Variants in KMT2C observed in about 807,000 individuals in gnomAD.
KMT2C encodes the protein lysine methyltransferase 2C, also known as histone-lysine N-methyltransferase 2C.
In KMT2C, 88 loss-of-function variants were observed where a neutral mutation model predicts 507.9. That is an observed-to-expected ratio of 0.17 (90% CI 0.15 to 0.21). The LOEUF (loss-of-function observed/expected upper bound fraction) is 0.21, where lower values mean the gene tolerates loss of function less well. KMT2C is among the 10% of genes least tolerant of loss of function. The probability of loss-of-function intolerance (pLI) is 1.00; values close to 1 mark genes in which losing one functional copy is unlikely to be tolerated. For synonymous variants in KMT2C, 2,049 were observed against 2,080.8 expected (o/e 0.98, Z 0.42); for missense variants, 4,954 against 5,957.8 (o/e 0.83, Z 5.55).
intron 6 of KMT2C, among the ~76,000 whole-genome samples, chr7:152,284,039 C>T (rs2096260103): frequency 6.6e-6 from 1 of 152,040 alleles, no homozygotes; most frequent in Admixed American, 6.5e-5. Flanking sequence ...GTTTTGATTA[C>T]TTTGAAATTG....
intron 6 of KMT2C, among the ~76,000 whole-genome samples, chr7:152,278,774 C>T (rs1483892028): frequency 2.0e-5 from 3 of 152,412 alleles, no homozygotes; most frequent in East Asian, 3.9e-4. Flanking sequence ...TTTTATGTTA[C>T]AGTGTAAATT....
In KMT2C at chr7:152,356,301, A is replaced by AT. The variant is rs1189614630; in HGVS notation, c.250+2285dup. Among the ~76,000 whole-genome samples the AT allele has an allele frequency of 2.8e-4, 42 of 152,296 alleles. 1 individual carries two copies. The South Asian group carries it at 8.7e-3, about 32-fold the overall frequency. On this transcript the variant is annotated intron_variant, in intron 2 of 58. Coordinates refer to ENST00000262189, the MANE Select transcript of KMT2C (RefSeq NM_170606.3). ...ATCTTCAATAATCAAAGGGCCGGGC[A>AT]TAGTGGCTCACGCCTGTAATCCTAG...
chr7:152,238,259 G>A (rs1216400533), intron 15 of KMT2C, among the ~76,000 whole-genome samples: 2 of 152,310 alleles, frequency 1.3e-5, no homozygotes, highest in Non-Finnish European at 2.9e-5. Flanking sequence ...GACTGGCAGA[G>A]CCATCAACCA....
intron 1 of KMT2C, among the ~76,000 whole-genome samples, chr7:152,400,649 A>G (rs1197975896): frequency 6.6e-6 from 1 of 152,246 alleles, no homozygotes; most frequent in African/African-American, 2.4e-5. Flanking sequence ...TGTAAGGGCT[A>G]ATGAGGACTT....
Position 152,199,280 on chromosome 7 carries a change from G to A in KMT2C, c.4272C>T (p.His1424=), listed in dbSNP as rs200156200. The change falls in exon 27 of 59, where the codon CAC becomes CAT. Residue 1424 remains histidine, a splice_region_variant and synonymous_variant. Transcript: ENST00000262189. The part of the protein sequence containing the change: ...SSSAPTKSGT[H]GPADDPLADI... ...ATATCTGTGAATAATTCTACATACC[G>A]TGAGTTCCAGATTTTGTTGGAGCCG... The A allele has an allele frequency of 4.9e-4, 785 of 1,587,128 alleles. 1 individual carries two copies. Among genetic ancestry groups the A allele is most frequent in the Admixed American group, 9.7e-4 (53 of 54,460 alleles).
At chr7:152,374,860 G>T (rs2129243699) in intron 1 of KMT2C, among the ~76,000 whole-genome samples, 1 of 146,990 alleles carries the variant, frequency 6.8e-6, no homozygotes, top group African/African-American at 2.6e-5. Context: ...TCTAGCCTTA[G>T]TGACACAGGG....
At chr7:152,309,732 G>A (rs1293318414) in intron 6 of KMT2C, among the ~76,000 whole-genome samples, 1 of 151,634 alleles carries the variant, frequency 6.6e-6, no homozygotes, top group Non-Finnish European at 1.5e-5. Context: ...TGTTGGCCAG[G>A]CTAGTCTCAA....
intron 1 of KMT2C, among the ~76,000 whole-genome samples, chr7:152,426,827 A>C (rs942847383): frequency 6.6e-6 from 1 of 152,224 alleles, no homozygotes; most frequent in African/African-American, 2.4e-5. Flanking sequence ...CCCAAGGTCA[A>C]ACAGCTAATA....
Position 152,252,772 on chromosome 7 carries a change from T to G in KMT2C, c.1300-57A>C. On this transcript the variant is annotated intron_variant, in intron 9 of 58. Transcript: ENST00000262189. ...GTTTGTTATGCATTTGTAATTGTAG[T>G]TCTGATGTAAACCTTTAAAAAGTCA... 3.1e-6 allele frequency: 4 copies of G among 1,284,070 alleles called. No homozygotes were observed. In the East Asian group the frequency reaches 9.8e-5, roughly 32 times the overall value. 79.5% of individuals were successfully genotyped at this position (1,284,070 alleles called of 1,614,324 possible). A position where few individuals can be genotyped will look rare whatever the true frequency, so the allele number is the denominator to read the frequency against.
At chr7:152,346,934 T>C (rs567240709) in intron 2 of KMT2C, among the ~76,000 whole-genome samples, 6 of 152,146 alleles carry the variant, frequency 3.9e-5, no homozygotes, top group Non-Finnish European at 5.9e-5. Flanking sequence ...GAGACCATCC[T>C]GGCTAACACG....
chr7:152,254,896 C>T (rs1214166446), intron 9 of KMT2C, among the ~76,000 whole-genome samples: 2 of 151,726 alleles, frequency 1.3e-5, no homozygotes, highest in Non-Finnish European at 2.9e-5. Context: ...AGAATTCACA[C>T]ACACAAATAA....
rs1031883265 is a variant in KMT2C at position 152,135,151 on chromosome 7, C to G, written c.*1681G>C. The G allele has an allele frequency of 2.7e-5, 6 of 224,644 alleles. No homozygotes were observed. Among genetic ancestry groups the G allele is most frequent in the African/African-American group, 1.3e-4 (6 of 44,832 alleles). 13.9% of individuals were successfully genotyped at this position (224,644 alleles called of 1,614,324 possible). ...TATTCAGGAAACAAATTTCATACAGCTATTTATCAAGAGAAAAATATATAC... is the reference window on the plus strand; with the variant it reads ...TATTCAGGAAACAAATTTCATACAGGTATTTATCAAGAGAAAAATATATAC... On this transcript the variant is annotated 3_prime_UTR_variant, in exon 59 of 59. Coordinates refer to ENST00000262189, the MANE Select transcript of KMT2C (RefSeq NM_170606.3).
At chr7:152,307,333 AGAGGGAGGGAGG>A (rs570606244) in intron 6 of KMT2C, among the ~76,000 whole-genome samples, 1 of 107,998 alleles carries the variant, frequency 9.3e-6, no homozygotes, top group African/African-American at 3.7e-5. Context: ...GAGGAAGGAA[AGAGGGAGGGAGG>A]GAGGGAGGGA....
intron 1 of KMT2C, among the ~76,000 whole-genome samples, chr7:152,428,154 T>C (rs2097838120): frequency 6.6e-6 from 1 of 152,196 alleles, no homozygotes; most frequent in Admixed American, 6.5e-5. Flanking sequence ...TGTAAATACC[T>C]GCTTTGAAAA....
intron 25 of KMT2C, among the ~76,000 whole-genome samples, chr7:152,204,061 G>T (rs1310309033): frequency 6.6e-6 from 1 of 151,966 alleles, no homozygotes; most frequent in Admixed American, 6.6e-5. Context: ...ATAAAGCTCA[G>T]GGTCAGTTTA....
At chr7:152,213,245 C>T (rs2094496260) in intron 23 of KMT2C, among the ~76,000 whole-genome samples, 1 of 151,882 alleles carries the variant, frequency 6.6e-6, no homozygotes, top group Non-Finnish European at 1.5e-5. Flanking sequence ...CATAAAAGAC[C>T]CTGAATAGCC....
At chr7:152,408,504 A>G (rs2097646278) in intron 1 of KMT2C, among the ~76,000 whole-genome samples, 2 of 152,268 alleles carry the variant, frequency 1.3e-5, no homozygotes, top group African/African-American at 4.8e-5. Flanking sequence ...ACCAGGCCAC[A>G]CAGCAGGTGA....
rs2129120240 is a variant in KMT2C, at chr7:152,181,726, G to A, written c.6134C>T (p.Thr2045Ile). ...PLDSGPGPFK[T>I]PMQPPPSSQD... ...AGAGGATGGAGGAGGTTGCATTGGA[G>A]TCTTAAAAGGTCCAGGACCACTATC... Residue 2045 changes from threonine (T) to isoleucine (I), a missense_variant, in exon 36 of 59, where the codon ACT (threonine) becomes ATT (isoleucine). Around this residue, in one of 29 missense-constraint regions of KMT2C, gnomAD observed 1,689 missense variants for 1,654.3 expected, o/e 1.02. Coordinates refer to ENST00000262189, the MANE Select transcript of KMT2C (RefSeq NM_170606.3). The A allele has an allele frequency of 1.2e-6, 2 of 1,614,126 alleles. No individual in the cohort carries two copies. Among genetic ancestry groups the A allele is most frequent in the African/African-American group, 2.7e-5 (2 of 75,036 alleles).
At chr7:152,330,251 G>A (rs982394597) in intron 3 of KMT2C, among the ~76,000 whole-genome samples, 1 of 151,848 alleles carries the variant, frequency 6.6e-6, no homozygotes, top group African/African-American at 2.4e-5. Flanking sequence ...AGAAGGTAAG[G>A]AACAAAACTA....
Sources: gnomAD v4.1 joint callset for allele counts (sites outside exome capture counted in the v4.1 genomes callset) on GRCh38, gnomAD v4.1.1 for gene constraint, gnomAD v4.1.1 regional missense constraint, MANE v1.5 for transcripts, NCBI Gene and HGNC (gene_info 2026-07-23, HGNC 2026-07-21) for gene names.